Variants in SYF2 observed in about 807,000 individuals in gnomAD.
The protein encoded by SYF2 is SYF2 pre-mRNA splicing factor.
In SYF2, 21 loss-of-function variants were observed where a neutral mutation model predicts 32.7. The observed-to-expected ratio is 0.64, with a 90% CI of 0.45 to 0.92. SYF2 has a LOEUF of 0.92. Ranked by LOEUF, SYF2 falls within the 40% of genes least tolerant of loss-of-function variation. The pLI is 0.00. For synonymous variants in SYF2, 114 were observed against 103.9 expected (o/e 1.10, Z -0.59); for missense variants, 278 against 296.5 (o/e 0.94, Z 0.46).
intron 3 of SYF2, among the ~76,000 whole-genome samples, chr1:25,228,538 T>C (rs1638563141): frequency 6.6e-6 from 1 of 152,200 alleles, no homozygotes; most frequent in East Asian, 1.9e-4. Flanking sequence ...TTTCACCATG[T>C]TGGCCATGCT....
At chr1:25,229,979 G>T (rs1638595347) in intron 2 of SYF2, among the ~76,000 whole-genome samples, 1 of 152,084 alleles carries the variant, frequency 6.6e-6, no homozygotes, top group Admixed American at 6.6e-5. Flanking sequence ...ACAATGCCTG[G>T]CTTATTTTTT....
rs751362439 is a variant in SYF2, at chr1:25,228,203, T to C, written c.291A>G (p.Lys97=). ...ECAARGEDYE[K]VKLLEISAED... is the part of the protein sequence containing the mutation. ...CTGCACTGATCTCCAGCAACTTCAC[T>C]TTCTCATAGTCTTCTCCTCTTGCCG... Residue 97 remains lysine, a synonymous_variant, in exon 4 of 7, where the codon AAA becomes AAG. Coordinates refer to ENST00000236273, the MANE Select transcript of SYF2 (RefSeq NM_015484.5). The C allele has an allele frequency of 3.7e-6, 6 of 1,613,546 alleles. No homozygotes were observed. The highest frequency in any genetic ancestry group is 1.1e-5 in the South Asian group (1 of 91,082).
At chr1:25,225,542 T>G (rs1041242658) in intron 5 of SYF2, among the ~76,000 whole-genome samples, 2 of 150,048 alleles carry the variant, frequency 1.3e-5, no homozygotes, top group Non-Finnish European at 3.0e-5. Flanking sequence ...AAAAAAATTT[T>G]TTTTAATTAA....
intron 6 of SYF2, among the ~76,000 whole-genome samples, chr1:25,224,233 A>T (rs560316311): frequency 6.6e-6 from 1 of 152,004 alleles, no homozygotes; most frequent in Non-Finnish European, 1.5e-5. Context: ...CACAGCTAAT[A>T]CTGAGCACAT....
chr1:25,230,467 TGTG>T (rs1271237277), intron 2 of SYF2: 1 of 152,242 alleles, frequency 6.6e-6, no homozygotes, highest in East Asian at 1.9e-4. Context: ...TTTCCAGACA[TGTG>T]TTCCTTACAC....
At chr1:25,229,571 T>A (rs2124512921) in intron 2 of SYF2, among the ~76,000 whole-genome samples, 1 of 152,048 alleles carries the variant, frequency 6.6e-6, no homozygotes, top group African/African-American at 2.4e-5. Flanking sequence ...GGTCAGAAGT[T>A]CAAGACCAGG....
In SYF2 at chr1:25,223,142, T is replaced by C. The variant is rs960172609; in HGVS notation, c.*124A>G. 8.4e-5 allele frequency: 70 copies of C among 833,912 alleles called. No homozygotes were observed. Among genetic ancestry groups the C allele is most frequent in the Non-Finnish European group, 1.2e-4 (66 of 548,420 alleles). The allele number at this position is 833,912 out of a possible 1,614,324, so 51.7% of individuals were successfully genotyped here. A position where few individuals can be genotyped will look rare whatever the true frequency, so the allele number is the denominator to read the frequency against. The stretch of plus-strand genomic sequence containing the variant: ...AAGAAACCACATTTTTATTTCTAAA[T>C]GCTGAGTGAGAAGGCATGGACTACT... On this transcript the variant is annotated 3_prime_UTR_variant, in exon 7 of 7. Transcript: ENST00000236273.
chr1:25,225,091 C>T lies in SYF2; in HGVS notation c.477G>A (p.Glu159=). The T allele has an allele frequency of 1.2e-6, 2 of 1,613,324 alleles. No homozygotes were observed. Among genetic ancestry groups the T allele is most frequent in the Non-Finnish European group, 1.7e-6 (2 of 1,179,300 alleles). ...GAAGACTATTGGATGTTGGGAAAAA[C>T]TCTTCTCCACTGAAAAGGCAGCAAA... ...YERLREKHGE[E]FFPTSNSLLH... The change falls in exon 6 of 7, where the codon GAG becomes GAA. Residue 159 remains glutamate, a synonymous_variant. Transcript: ENST00000236273.
At chr1:25,225,155 A>T in intron 5 of SYF2, 55 bp from the exon 6 acceptor site, 1 of 1,144,264 alleles carries the variant, frequency 8.7e-7, no homozygotes, top group South Asian at 1.2e-5. Context: ...CCATTTTCAA[A>T]TTTCAAACTA....
chr1:25,227,825 G>A (rs760811401), intron 4 of SYF2, among the ~76,000 whole-genome samples: 52 of 152,180 alleles, frequency 3.4e-4, no homozygotes, highest in Non-Finnish European at 5.9e-4. Context: ...TACTCAATCT[G>A]TGTGAAGTAA....
Position 25,227,209 on chromosome 1 carries a change from G to A in SYF2, c.467+233C>T, listed in dbSNP as rs1291184135. Among the ~76,000 whole-genome samples, 3 of 152,148 alleles carry A rather than the reference G, an allele frequency of 2.0e-5. No homozygotes were observed. In the East Asian group the frequency reaches 5.8e-4, roughly 29 times the overall value. On this transcript the variant is annotated intron_variant, in intron 5 of 6. Coordinates refer to ENST00000236273, the MANE Select transcript of SYF2 (RefSeq NM_015484.5). ...GAGGCAGAAGAATTGCTTGAACCCA[G>A]GTGGCGGAGGTTGCAGTGAGCTGAG... is the stretch of plus-strand genomic sequence containing the variant.
At chr1:25,226,902 G>T (rs1029284764) in intron 5 of SYF2, among the ~76,000 whole-genome samples, 1 of 151,920 alleles carries the variant, frequency 6.6e-6, no homozygotes, top group Non-Finnish European at 1.5e-5. Context: ...GATCCCTTGA[G>T]GCCACAAGTT....
chr1:25,232,207 A>C lies in SYF2; in HGVS notation c.29T>G (p.Leu10Arg). Residue 10 changes from leucine to arginine, a missense_variant, in exon 2 of 7, where the codon CTG becomes CGG. Physicochemically the swap from Leu to Arg is moderately radical, Grantham distance 102. Transcript: ENST00000236273. MAAIAASEV[L>R]VDSAEEGSLA... ...GGACCCCTCCTCCGCGCTGTCCACCAGCACCTGCGACAAGGAGAACTGGCT... is the reference window on the plus strand; with the variant it reads ...GGACCCCTCCTCCGCGCTGTCCACCCGCACCTGCGACAAGGAGAACTGGCT... 1 of 1,613,256 alleles carries C rather than the reference A, an allele frequency of 6.2e-7. No homozygotes were observed. Among genetic ancestry groups the C allele is most frequent in the Non-Finnish European group, 8.5e-7 (1 of 1,179,892 alleles).
In SYF2 at chr1:25,227,441, C is replaced by A. The variant is rs745678150; in HGVS notation, c.467+1G>T. On this transcript the variant is annotated splice_donor_variant, in intron 5 of 6. Transcript: ENST00000236273. LOFTEE classifies it high-confidence loss of function. ...TCACCTCAGGTTGAAAAAGGACTTACTGTTTTTCTCTCAGTCTCTCATATG... is the reference window on the plus strand; with the variant it reads ...TCACCTCAGGTTGAAAAAGGACTTAATGTTTTTCTCTCAGTCTCTCATATG... 6.2e-7 allele frequency: 1 copy of A among 1,612,660 alleles called. No individual in the cohort carries two copies. Among genetic ancestry groups the A allele is most frequent in the Non-Finnish European group, 8.5e-7 (1 of 1,179,348 alleles).
intron 3 of SYF2, among the ~76,000 whole-genome samples, chr1:25,228,523 TG>T (rs771541286): frequency 6.6e-5 from 10 of 152,222 alleles, no homozygotes; most frequent in Non-Finnish European, 1.5e-4. Context: ...TTAGTAGAGA[TG>T]GGGTTTCACC....
At chr1:25,231,150 G>C (rs1003736591) in intron 2 of SYF2, 1 of 152,208 alleles carries the variant, frequency 6.6e-6, no homozygotes, top group African/African-American at 2.4e-5. Flanking sequence ...AACGGAGTGA[G>C]ACTAATGCTG....
At chr1:25,224,861 G>A (rs1407834401) in intron 6 of SYF2, 141 bp downstream of exon 6, 50 of 650,654 alleles carry the variant, frequency 7.7e-5, no homozygotes, top group Non-Finnish European at 1.2e-4. Flanking sequence ...AGCCACTATA[G>A]ACAGGTCAAA....
At chr1:25,228,890 T>A in intron 3 of SYF2, 108 bp downstream of exon 3, 1 of 1,381,256 alleles carries the variant, frequency 7.2e-7, no homozygotes, top group Non-Finnish European at 9.8e-7. Flanking sequence ...AGAATTTCAA[T>A]TCTGGCAGCT....
intron 6 of SYF2, 77 bp from the exon 7 acceptor site, chr1:25,223,508 T>C: frequency 1.4e-6 from 2 of 1,435,708 alleles, no homozygotes; most frequent in Non-Finnish European, 9.5e-7. Flanking sequence ...CAAACAGGAA[T>C]ATAATCACGT....
Sources: allele counts gnomAD v4.1 joint callset (sites outside exome capture counted in the v4.1 genomes callset), GRCh38; gene constraint gnomAD v4.1.1; transcripts MANE v1.5; gene names NCBI Gene and HGNC (gene_info 2026-07-23, HGNC 2026-07-21).